TECPR2: variants seen among roughly 807,000 people sequenced by gnomAD.
TECPR2 encodes tectonin beta-propeller repeat-containing protein 2.
A neutral mutation model predicts 138.1 loss-of-function variants in TECPR2; 65 were observed. The ratio of observed to expected loss-of-function variants is 0.47; its 90% CI spans 0.39 to 0.58. The LOEUF (loss-of-function observed/expected upper bound fraction) is 0.58, where lower values mean the gene tolerates loss of function less well. Ranked by LOEUF, TECPR2 falls within the 20% of genes least tolerant of loss-of-function variation. The pLI is 0.00. For missense variants in TECPR2, 1,553 were observed against 1,824.5 expected (o/e 0.85, Z 2.71); for synonymous variants, 746 against 749.8 (o/e 0.99, Z 0.08).
intron 5 of TECPR2, among the ~76,000 whole-genome samples, chr14:102,424,185 A>G (rs1334737782): frequency 6.6e-6 from 1 of 152,228 alleles, no homozygotes; most frequent in Non-Finnish European, 1.5e-5. Flanking sequence ...GACTTGCACC[A>G]CATGTGACTG....
chr14:102,380,471 A>G (rs570281677), intron 2 of TECPR2, among the ~76,000 whole-genome samples: 44 of 152,350 alleles, frequency 2.9e-4, no homozygotes, highest in Admixed American at 7.2e-4. Flanking sequence ...ACTTACAGTC[A>G]TGGTGGAAGG....
At chr14:102,496,350 C>G (rs1891279625) in intron 17 of TECPR2, among the ~76,000 whole-genome samples, 1 of 152,216 alleles carries the variant, frequency 6.6e-6, no homozygotes, top group South Asian at 2.1e-4. Context: ...CTGGGGCAAA[C>G]TGGAGTTGCC....
intron 2 of TECPR2, among the ~76,000 whole-genome samples, chr14:102,386,398 A>T (rs1888004684): frequency 6.6e-6 from 1 of 152,106 alleles, no homozygotes; most frequent in Non-Finnish European, 1.5e-5. Context: ...TGAACCCAGG[A>T]GGTGGAGGTT....
chr14:102,441,004 A>T (rs1182236477), intron 11 of TECPR2, among the ~76,000 whole-genome samples: 2 of 151,910 alleles, frequency 1.3e-5, no homozygotes, highest in Admixed American at 6.6e-5. Context: ...TTTTTCAGCC[A>T]TATCAAAGCC....
intron 17 of TECPR2, among the ~76,000 whole-genome samples, chr14:102,467,205 T>C (rs1269734924): frequency 6.6e-6 from 1 of 152,240 alleles, no homozygotes; most frequent in Non-Finnish European, 1.5e-5. Context: ...TTGCAGGTCA[T>C]GTGGCGATTC....
At chr14:102,388,610 C>T (rs1002778031) in intron 2 of TECPR2, among the ~76,000 whole-genome samples, 12 of 151,718 alleles carry the variant, frequency 7.9e-5, no homozygotes, top group Non-Finnish European at 1.8e-4. Context: ...AGGAGGATCA[C>T]GAGGTCAGGA....
chr14:102,363,109 C>T lies in TECPR2; in HGVS notation c.-80C>T, dbSNP rs1246672393. 6 of 407,646 alleles carry T rather than the reference C, an allele frequency of 1.5e-5. No individual in the cohort carries two copies. The highest frequency in any genetic ancestry group is 2.6e-5 in the Non-Finnish European group (6 of 231,902). The allele number at this position is 407,646 out of a possible 1,614,324, so 25.3% of individuals were successfully genotyped here. A position where few individuals can be genotyped will look rare whatever the true frequency, so the allele number is the denominator to read the frequency against. On this transcript the variant is annotated 5_prime_UTR_variant, in exon 1 of 20. Transcript: ENST00000359520. ...GGGCCGACGAGTCCGGAGGGGCTGCCGCGGGAGGTGAGTCCGGCGACGCCG... is the reference window on the plus strand; with the variant it reads ...GGGCCGACGAGTCCGGAGGGGCTGCTGCGGGAGGTGAGTCCGGCGACGCCG...
At chr14:102,370,318 A>C (rs1887467552) in intron 1 of TECPR2, among the ~76,000 whole-genome samples, 1 of 152,050 alleles carries the variant, frequency 6.6e-6, no homozygotes, top group African/African-American at 2.4e-5. Flanking sequence ...TGATCCACCC[A>C]CCTCAGGCTC....
At chr14:102,378,612 G>T (rs949246968) in intron 2 of TECPR2, among the ~76,000 whole-genome samples, 2 of 151,920 alleles carry the variant, frequency 1.3e-5, no homozygotes, top group Admixed American at 1.3e-4. Context: ...ACTGTCTCTA[G>T]GGTCTGTATT....
At position 102,468,316 on chromosome 14, in the gene TECPR2, T is replaced by C. The variant is rs1193431332; in HGVS notation, c.3789+3027T>C. ...GATTCTACTGCCTCAGTCTCCTGAG[T>C]AGCTAGGATTACAGGCATGCACCGC... On this transcript the variant is annotated intron_variant, in intron 17 of 19. Transcript: ENST00000359520. Among the ~76,000 whole-genome samples, 4 of 152,072 alleles carry C rather than the reference T, an allele frequency of 2.6e-5. No homozygotes were observed. In the South Asian group the frequency reaches 8.3e-4, roughly 32 times the overall value.
chr14:102,427,925 A>G (rs1402641604), intron 6 of TECPR2, among the ~76,000 whole-genome samples: 3 of 152,162 alleles, frequency 2.0e-5, no homozygotes, highest in Non-Finnish European at 4.4e-5. Flanking sequence ...GCAGAAAGAG[A>G]AGCACGTGCA....
At chr14:102,414,868 T>TCTCCTGTTTGCCGGAGAC (rs943603962) in intron 5 of TECPR2, 75 bp downstream of exon 5, 28 of 1,554,036 alleles carry the variant, frequency 1.8e-5, no homozygotes, top group Non-Finnish European at 2.4e-5. Flanking sequence ...GTTTCTTAGG[T>TCTCCTGTTTGCCGGAGAC]CTCCTGTTTG....
At chr14:102,446,620 G>A (rs76619615) in intron 13 of TECPR2, among the ~76,000 whole-genome samples, 2,222 of 152,182 alleles carry the variant, frequency 0.015, 24 homozygotes, top group Middle Eastern at 0.027. Flanking sequence ...AAAAAAGAGA[G>A]AGAGAGAGAA....
At chr14:102,488,999 C>T (rs907909596) in intron 17 of TECPR2, among the ~76,000 whole-genome samples, 11 of 152,002 alleles carry the variant, frequency 7.2e-5, no homozygotes, top group African/African-American at 2.7e-4. Flanking sequence ...TCTCCTGCCT[C>T]AGCCTCCCGA....
At chr14:102,407,487 C>G (rs543578374) in intron 3 of TECPR2, 21 bp downstream of exon 3, 3 of 1,587,064 alleles carry the variant, frequency 1.9e-6, no homozygotes, top group Non-Finnish European at 2.6e-6. Flanking sequence ...ATGATCTTAA[C>G]ACGTGTTAAC....
chr14:102,477,723 T>TC (rs1890796839), intron 17 of TECPR2, among the ~76,000 whole-genome samples: 1 of 141,676 alleles, frequency 7.1e-6, no homozygotes, highest in African/African-American at 2.6e-5. Flanking sequence ...GCAAATTTTT[T>TC]TTTTTTTTTT....
At chr14:102,384,195 G>T (rs764315757) in intron 2 of TECPR2, among the ~76,000 whole-genome samples, 1 of 151,732 alleles carries the variant, frequency 6.6e-6, no homozygotes, top group South Asian at 2.1e-4. Context: ...CTGGGATTAC[G>T]GGTGTGAGCC....
intron 10 of TECPR2, 55 bp downstream of exon 10, chr14:102,438,260 C>G: frequency 2.6e-6 from 4 of 1,551,902 alleles, no homozygotes; most frequent in Middle Eastern, 2.2e-4. Context: ...CGCTCCTGCT[C>G]CCCGCCCCCG....
intron 17 of TECPR2, among the ~76,000 whole-genome samples, chr14:102,491,199 C>A (rs1891152740): frequency 6.6e-6 from 1 of 152,154 alleles, no homozygotes; most frequent in Non-Finnish European, 1.5e-5. Context: ...CAGCCCACAT[C>A]TCTCCTCTTT....
Sources: allele counts gnomAD v4.1 joint callset (sites outside exome capture counted in the v4.1 genomes callset), GRCh38; gene constraint gnomAD v4.1.1; transcripts MANE v1.5; gene names NCBI Gene and HGNC (gene_info 2026-07-23, HGNC 2026-07-21).